The following TBC1D5 variants were observed in gnomAD, a reference collection of about 807,000 sequenced individuals.
TBC1D5 encodes the protein TBC1 domain family member 5, also known as TBC1 domain family, member 5.
A neutral mutation model predicts 100.3 loss-of-function variants in TBC1D5; 75 were observed. That is an observed-to-expected ratio of 0.75 (90% confidence interval 0.62 to 0.91). TBC1D5 has a LOEUF of 0.91. Among genes scored for constraint, TBC1D5 ranks in the 40% least tolerant of loss-of-function variants. TBC1D5 has a pLI of 0.00. For missense variants in TBC1D5, 910 were observed against 942.4 expected, an observed-to-expected ratio of 0.97 and a Z score of 0.45; for synonymous variants, 323 against 325.6, an observed-to-expected ratio of 0.99 and a Z score of 0.09.
chr3:17,569,147 TAAAA>T (rs1159210109), intron 2 of TBC1D5, among the ~76,000 whole-genome samples: 1 of 151,814 alleles, frequency 6.6e-6, no homozygotes, highest in East Asian at 1.9e-4. Flanking sequence ...CTACATCATC[TAAAA>T]ATCTGCAAAC....
chr3:17,205,946 A>G (rs1393772044), intron 18 of TBC1D5, among the ~76,000 whole-genome samples: 1 of 152,222 alleles, frequency 6.6e-6, no homozygotes, highest in African/African-American at 2.4e-5. Context: ...TATGTGAAAT[A>G]ATAAACAACA....
chr3:17,249,707 A>G (rs1438098555), intron 16 of TBC1D5, among the ~76,000 whole-genome samples: 1 of 152,238 alleles, frequency 6.6e-6, no homozygotes, highest in Non-Finnish European at 1.5e-5. Context: ...ATTTCTTTAT[A>G]GCAACACAAA....
At chr3:17,702,969 G>C (rs972430335) in intron 1 of TBC1D5, among the ~76,000 whole-genome samples, 2 of 152,056 alleles carry the variant, frequency 1.3e-5, no homozygotes, top group Non-Finnish European at 2.9e-5. Context: ...TAGCTATATT[G>C]ATTCAAAGTT....
At chr3:17,435,071 T>C (rs2094511351) in intron 3 of TBC1D5, among the ~76,000 whole-genome samples, 1 of 152,180 alleles carries the variant, frequency 6.6e-6, no homozygotes, top group Non-Finnish European at 1.5e-5. Context: ...GACTTTATTG[T>C]CCATATCACT....
At chr3:17,679,901 T>C (rs1167033403) in intron 1 of TBC1D5, among the ~76,000 whole-genome samples, 8 of 151,426 alleles carry the variant, frequency 5.3e-5, no homozygotes, top group Non-Finnish European at 1.2e-4. Context: ...ATACCTAGCA[T>C]ATCTGGTCCC....
At position 17,528,185 on chromosome 3, in the gene TBC1D5, A is replaced by G. The variant is rs542226109; in HGVS notation, c.-35-19580T>C. ...AGCGATCCGCCCACCTCAGCCTCCCAAAGTGCTGAGACTACAGGCGTGAGC... is the reference window on the plus strand; with the variant it reads ...AGCGATCCGCCCACCTCAGCCTCCCGAAGTGCTGAGACTACAGGCGTGAGC... On this transcript the variant is annotated intron_variant, in intron 2 of 21. Coordinates refer to ENST00000253692, the Ensembl canonical transcript of TBC1D5. Among the ~76,000 whole-genome samples the G allele has an allele frequency of 2.0e-5, 3 of 152,252 alleles. No homozygotes were observed. In the South Asian group the frequency reaches 6.2e-4, roughly 32 times the overall value.
chr3:17,524,420 T>A (rs1368672683), intron 2 of TBC1D5, among the ~76,000 whole-genome samples: 2 of 152,194 alleles, frequency 1.3e-5, no homozygotes, highest in African/African-American at 2.4e-5. Flanking sequence ...TAAAAATGTA[T>A]CCTACTTATA....
exon 18 of TBC1D5, chr3:17,214,337 C>G: frequency 6.2e-7 from 1 of 1,613,064 alleles, no homozygotes; most frequent in Non-Finnish European, 8.5e-7. Context: ...ACTCTCAACG[C>G]TTGGAGATGA....
chr3:17,300,181 C>G (rs1229021472), intron 14 of TBC1D5, among the ~76,000 whole-genome samples: 1 of 152,072 alleles, frequency 6.6e-6, no homozygotes, highest in Non-Finnish European at 1.5e-5. Context: ...ATATAAATAT[C>G]TGATATAATC....
chr3:17,338,493 C>T (rs543163876), intron 13 of TBC1D5: 5 of 152,310 alleles, frequency 3.3e-5, no homozygotes, highest in African/African-American at 1.2e-4. Context: ...CCTCACTGGC[C>T]ACCTCCTCAC....
At chr3:17,307,841 A>T in intron 14 of TBC1D5, 151 bp downstream of exon 14, 1 of 895,344 alleles carries the variant, frequency 1.1e-6, no homozygotes, top group Non-Finnish European at 1.6e-6. Context: ...GATGTTTAGT[A>T]TATTCCTTTG....
intron 1 of TBC1D5, among the ~76,000 whole-genome samples, chr3:17,690,706 C>T (rs556901111): frequency 5.6e-4 from 85 of 152,194 alleles, no homozygotes; most frequent in Non-Finnish European, 1.0e-3. Flanking sequence ...TACATGTGAG[C>T]GATCTAGGTT....
chr3:17,619,102 G>A (rs755216224), intron 2 of TBC1D5, among the ~76,000 whole-genome samples: 18 of 152,178 alleles, frequency 1.2e-4, no homozygotes, highest in Admixed American at 4.6e-4. Flanking sequence ...GGAATAAACA[G>A]AAATGTTCAA....
chr3:17,725,760 TA>T (rs1212490013), intron 1 of TBC1D5, among the ~76,000 whole-genome samples: 1 of 152,208 alleles, frequency 6.6e-6, no homozygotes, highest in Non-Finnish European at 1.5e-5. Context: ...GTTTGTCATA[TA>T]CGTAAACTGC....
Position 17,319,980 on chromosome 3 carries a change from G to T in TBC1D5, c.996-11846C>A, listed in dbSNP as rs192715206. Among the ~76,000 whole-genome samples the T allele has an allele frequency of 3.0e-3, 456 of 152,246 alleles. 4 individuals carry two copies. Among genetic ancestry groups the T allele is most frequent in the African/African-American group, 0.01 (432 of 41,532 alleles). ...AAACATATATACAAATAAATAACTT[G>T]CTCTTTATTATGGTTGTGTAGTATT... is the stretch of plus-strand genomic sequence containing the variant. On this transcript the variant is annotated intron_variant, in intron 13 of 21. Transcript: ENST00000253692.
At chr3:17,237,798 C>T (rs1008358697) in intron 17 of TBC1D5, among the ~76,000 whole-genome samples, 1 of 152,202 alleles carries the variant, frequency 6.6e-6, no homozygotes, top group African/African-American at 2.4e-5. Context: ...TAGTGAAGCC[C>T]ATGGTACCGG....
chr3:17,228,775 TTC>T (rs1179936037), intron 17 of TBC1D5, among the ~76,000 whole-genome samples: 2 of 151,694 alleles, frequency 1.3e-5, no homozygotes, highest in Non-Finnish European at 2.9e-5. Context: ...CCTTCCTTCA[TTC>T]TCTTTCCCTC....
chr3:17,199,072 G>A (rs1190588667), intron 18 of TBC1D5, among the ~76,000 whole-genome samples: 7 of 152,186 alleles, frequency 4.6e-5, no homozygotes, highest in Non-Finnish European at 8.8e-5. Context: ...GCATTTAAAC[G>A]TTTTATAGTT....
At chr3:17,283,290 G>A (rs559768693) in intron 15 of TBC1D5, among the ~76,000 whole-genome samples, 2 of 152,240 alleles carry the variant, frequency 1.3e-5, no homozygotes, top group East Asian at 1.9e-4. Context: ...TCCAATAAAC[G>A]CAGCAGGGTG....
Sources: allele counts gnomAD v4.1 joint callset (sites outside exome capture counted in the v4.1 genomes callset), GRCh38; gene constraint gnomAD v4.1.1; transcripts MANE v1.5; gene names NCBI Gene and HGNC (gene_info 2026-07-23, HGNC 2026-07-21).